The following RUBCN variants were observed in gnomAD, a reference collection of about 807,000 sequenced individuals.
RUBCN encodes rubicon autophagy regulator.
In RUBCN, 74 loss-of-function variants were observed where a neutral mutation model predicts 113.2. The observed-to-expected ratio is 0.65, with a 90% CI of 0.54 to 0.79. The LOEUF (loss-of-function observed/expected upper bound fraction) is 0.79. Among genes scored for constraint, RUBCN ranks in the 30% least tolerant of loss-of-function variants. RUBCN has a pLI of 0.00. For missense variants in RUBCN, 1,109 were observed against 1,251.7 expected (o/e 0.89, Z 1.72); for synonymous variants, 480 against 490.0 (o/e 0.98, Z 0.27).
chr3:197,726,586 C>A (rs1726783579), intron 1 of RUBCN, among the ~76,000 whole-genome samples: 1 of 151,800 alleles, frequency 6.6e-6, no homozygotes, highest in Admixed American at 6.6e-5. Context: ...GTCACCCAGG[C>A]TGGAGGGCAG....
Position 197,683,243 on chromosome 3 carries a change from A to C in RUBCN, c.1980+64T>G. ...CATTCCAGACTAGGGACATGTGACGAAGGAAAACAAGGTCACAGAGGCTCA... is the reference window on the plus strand; with the variant it reads ...CATTCCAGACTAGGGACATGTGACGCAGGAAAACAAGGTCACAGAGGCTCA... On this transcript the variant is annotated intron_variant, in intron 13 of 19. Transcript: ENST00000296343. This position sits in a 1 kb window ranked among gnomAD's most constrained non-coding sequence, Gnocchi z 4.6. 1 of 1,602,798 alleles carries C rather than the reference A, an allele frequency of 6.2e-7. No individual in the cohort carries two copies.
intron 1 of RUBCN, among the ~76,000 whole-genome samples, chr3:197,719,832 T>C (rs1041031431): frequency 6.6e-6 from 1 of 152,238 alleles, no homozygotes; most frequent in South Asian, 2.1e-4. Context: ...GATACATAAT[T>C]GTACATATTG....
chr3:197,671,204 A>C lies in RUBCN; in HGVS notation c.*3814T>G, dbSNP rs1719759862. Among the ~76,000 whole-genome samples, 1 of 151,928 alleles carries C rather than the reference A, an allele frequency of 6.6e-6. No individual in the cohort carries two copies. Among genetic ancestry groups the C allele is most frequent in the African/African-American group, 2.4e-5 (1 of 41,344 alleles). On this transcript the variant is annotated 3_prime_UTR_variant, in exon 20 of 20. Coordinates refer to ENST00000296343, the MANE Select transcript of RUBCN (RefSeq NM_014687.4). ...TAATTTTTATATTTTTGTAGAGATG[A>C]GGTTTTGTGATGTTAGCCAGGCTGG...
At chr3:197,679,843 CA>C (rs1226109128) in intron 16 of RUBCN, among the ~76,000 whole-genome samples, 11 of 149,924 alleles carry the variant, frequency 7.3e-5, no homozygotes, top group Non-Finnish European at 1.3e-4. Flanking sequence ...CAACTGGCTC[CA>C]GACTGTCCTA....
At chr3:197,748,248 T>A (rs995473443) in intron 1 of RUBCN, 1 of 152,230 alleles carries the variant, frequency 6.6e-6, no homozygotes, top group African/African-American at 2.4e-5. Flanking sequence ...CTCTAGTTTT[T>A]AGCAGTCCAG....
At chr3:197,701,669 G>T in intron 6 of RUBCN, 39 bp downstream of exon 6, 1 of 1,594,584 alleles carries the variant, frequency 6.3e-7, no homozygotes. Context: ...TTCCAGGGCT[G>T]GGGATAAATG....
In RUBCN at chr3:197,732,065, G is replaced by C. The variant is rs570260364; in HGVS notation, c.65+4590C>G. Among the ~76,000 whole-genome samples, 6 of 152,340 alleles carry C rather than the reference G, an allele frequency of 3.9e-5. No homozygotes were observed. The East Asian group carries it at 1.2e-3, about 29-fold the overall frequency. ...GAAAATGCTATTAACAGAGATCAGAGGAGGGGCAGGTTTTGGTCAGTGGAA... is the reference window on the plus strand; with the variant it reads ...GAAAATGCTATTAACAGAGATCAGACGAGGGGCAGGTTTTGGTCAGTGGAA... On this transcript the variant is annotated intron_variant, in intron 1 of 19. Coordinates refer to ENST00000296343, the MANE Select transcript of RUBCN (RefSeq NM_014687.4).
Position 197,717,958 on chromosome 3 carries a change from A to G in RUBCN, c.219+19T>C, listed in dbSNP as rs367975012. On this transcript the variant is annotated intron_variant, in intron 2 of 19. Transcript: ENST00000296343. Reference sequence around the variant, plus strand: ...ACAAGCGAGTCAGCCAATCTGGCAAAAAAAGGAGTTCTGCATACCTGGTCA... The same window carrying G: ...ACAAGCGAGTCAGCCAATCTGGCAAGAAAAGGAGTTCTGCATACCTGGTCA... 5.2e-5 allele frequency: 84 copies of G among 1,613,058 alleles called. No homozygotes were observed. The highest frequency in any genetic ancestry group is 6.4e-5 in the Non-Finnish European group (76 of 1,180,028).
intron 6 of RUBCN, 119 bp downstream of exon 6, chr3:197,701,589 T>A (rs1449400078): frequency 8.2e-6 from 7 of 849,804 alleles, no homozygotes; most frequent in South Asian, 4.4e-5. Flanking sequence ...AAGATGTCCC[T>A]TATTAAGAAA....
intron 1 of RUBCN, among the ~76,000 whole-genome samples, chr3:197,747,366 G>C (rs964872319): frequency 8.6e-5 from 13 of 151,738 alleles, no homozygotes; most frequent in African/African-American, 2.9e-4. Flanking sequence ...TGGTTTGGGG[G>C]AGAAGATCAG....
In RUBCN at chr3:197,669,316, C is replaced by T. The variant is rs112232116; in HGVS notation, c.*5702G>A. ...CATTTCGGGATCCCACCCGGGATCC[C>T]ACATGGCATTCAGTCATCGTATCTG... is the stretch of plus-strand genomic sequence containing the variant. On this transcript the variant is annotated 3_prime_UTR_variant, in exon 20 of 20. Coordinates refer to ENST00000296343, the MANE Select transcript of RUBCN (RefSeq NM_014687.4). 9.3e-3 allele frequency among the ~76,000 whole-genome samples: 1,409 copies of T among 152,322 alleles called. 15 individuals carry two copies. The highest frequency in any genetic ancestry group is 0.043 in the South Asian group (205 of 4,820).
Position 197,672,169 on chromosome 3 carries a change from G to A in RUBCN, c.*2849C>T, listed in dbSNP as rs1473006907. The A allele has an allele frequency of 6.6e-6, 1 of 152,174 alleles. No individual in the cohort carries two copies. The highest frequency in any genetic ancestry group is 2.4e-5 in the African/African-American group (1 of 41,436). The allele number at this position is 152,174 out of a possible 1,614,324, so 9.4% of individuals were successfully genotyped here. A position where few individuals can be genotyped will look rare whatever the true frequency, so the allele number is the denominator to read the frequency against. ...AAGCTCTAAATCCTTGGCAGAGAAC[G>A]TCAAAAACAGCCTCATTTAAGTGGA... is the stretch of plus-strand genomic sequence containing the variant. On this transcript the variant is annotated 3_prime_UTR_variant, in exon 20 of 20. Coordinates refer to ENST00000296343, the MANE Select transcript of RUBCN (RefSeq NM_014687.4).
intron 5 of RUBCN, among the ~76,000 whole-genome samples, chr3:197,702,858 C>A (rs1199821703): frequency 6.6e-6 from 1 of 152,002 alleles, no homozygotes; most frequent in Non-Finnish European, 1.5e-5. Flanking sequence ...AAGAAAAAAA[C>A]ATGAAAAAAC....
intron 17 of RUBCN, 55 bp from the exon 18 acceptor site, chr3:197,677,093 G>A (rs920013958): frequency 9.7e-6 from 15 of 1,539,920 alleles, no homozygotes; most frequent in East Asian, 2.2e-5. Flanking sequence ...GTGCCACATC[G>A]TAGTAGAAGG....
chr3:197,740,418 G>A (rs1289745202), upstream of RUBCN, among the ~76,000 whole-genome samples: 1 of 151,508 alleles, frequency 6.6e-6, no homozygotes, highest in Non-Finnish European at 1.5e-5. Context: ...GCAGTGAGCT[G>A]AGGTCATGCC....
Position 197,675,209 on chromosome 3 carries a change from G to A in RUBCN, c.2741-13C>T, listed in dbSNP as rs748836242. On this transcript the variant is annotated splice_polypyrimidine_tract_variant and intron_variant, in intron 19 of 19. Transcript: ENST00000296343. The surrounding 1 kb of genome is among the most constrained non-coding windows in gnomAD (Gnocchi z 4.4). ...CACGCTTTACACTCTACTCAGGTTG[G>A]GAAGGTGGGGGAGAGAAGAAAACAA... 32 of 1,613,864 alleles carry A rather than the reference G, an allele frequency of 2.0e-5. 1 individual carries two copies. The highest frequency in any genetic ancestry group is 2.5e-6 in the Non-Finnish European group (3 of 1,179,958).
intron 1 of RUBCN, among the ~76,000 whole-genome samples, chr3:197,731,792 CG>C (rs1434817559): frequency 2.0e-5 from 3 of 146,564 alleles, no homozygotes; most frequent in Non-Finnish European, 4.5e-5. Context: ...GCTGGCCGGG[CG>C]GGGGGCTGAC....
At position 197,749,477 on chromosome 3, in the gene RUBCN, G is replaced by A. The variant is rs986058361; in HGVS notation, c.-324C>T. 7 of 1,278,584 alleles carry A rather than the reference G, an allele frequency of 5.5e-6. No homozygotes were observed. In the African/African-American group the frequency reaches 6.1e-5, roughly 11 times the overall value. 79.2% of individuals were successfully genotyped at this position (1,278,584 alleles called of 1,614,324 possible). A position where few individuals can be genotyped will look rare whatever the true frequency, so the allele number is the denominator to read the frequency against. ...TAGGTGGAGGAGCGTGCCAGGGAGG[G>A]GGGAGCTGGGATGCAGCTGCAATCT... On this transcript the variant is annotated 5_prime_UTR_variant, in exon 1 of 21. Transcript: ENST00000273582.
rs1235401206 is a variant in RUBCN, at chr3:197,671,007, G to A, written c.*4011C>T. 2.0e-5 allele frequency among the ~76,000 whole-genome samples: 3 copies of A among 152,086 alleles called. 1 individual carries two copies. The East Asian group carries it at 5.8e-4, about 29-fold the overall frequency. Reference sequence around the variant, plus strand: ...GCCCCTCATGCCACAGTGTGCTGGTGCTTTTTTTGTTTTGTTTTGTTTTTT... The same window carrying A: ...GCCCCTCATGCCACAGTGTGCTGGTACTTTTTTTGTTTTGTTTTGTTTTTT... On this transcript the variant is annotated 3_prime_UTR_variant, in exon 20 of 20. Transcript: ENST00000296343.
Sources: gnomAD v4.1 joint callset for allele counts (sites outside exome capture counted in the v4.1 genomes callset) on GRCh38, gnomAD v4.1.1 for gene constraint, Gnocchi (gnomAD v3.1) non-coding constraint, MANE v1.5 for transcripts, NCBI Gene and HGNC (gene_info 2026-07-23, HGNC 2026-07-21) for gene names.